OPRM1: variants seen among roughly 807,000 people sequenced by gnomAD.
OPRM1 encodes mu-type opioid receptor.
Under a neutral mutation model 31.8 loss-of-function variants are expected in OPRM1, and 27 were observed. That is an observed-to-expected ratio of 0.85 (90% CI 0.63 to 1.17). The LOEUF (loss-of-function observed/expected upper bound fraction) is 1.17, where lower values mean the gene tolerates loss of function less well. OPRM1 is among the 50% of genes most tolerant of loss of function. The pLI is 0.00. For missense variants in OPRM1, 536 were observed against 511.1 expected (o/e 1.05, Z -0.47); for synonymous variants, 196 against 189.9 (o/e 1.03, Z -0.26).
chr6:154,044,926 A>T (rs924914483), intron 1 of OPRM1, among the ~76,000 whole-genome samples: 6 of 152,316 alleles, frequency 3.9e-5, no homozygotes, highest in African/African-American at 9.6e-5. Context: ...TATGAGATTT[A>T]AAAATGTACT....
rs1795844547 is a variant in OPRM1, at chr6:154,107,953, T to TTTATTTTATTTTATTTTATTTTA, written c.1165-10728_1165-10727insATTTTATTTTATTTTATTTTATT. Reference sequence around the variant, plus strand: ...TTTACAGAGGAGATAAACACTGATTTTTTTATTTTATTTTATTTTATTTTA... The same window carrying TTTATTTTATTTTATTTTATTTTA: ...TTTACAGAGGAGATAAACACTGATTTTTATTTTATTTTATTTTATTTTATTTTATTTTATTTTATTTTATTTTA... On this transcript the variant is annotated intron_variant, in intron 3 of 3. Transcript: ENST00000330432. 5.8e-6 allele frequency: 3 copies of TTTATTTTATTTTATTTTATTTTA among 517,266 alleles called. No individual in the cohort carries two copies. The African/African-American group carries it at 7.1e-5, about 12-fold the overall frequency. 32.0% of individuals were successfully genotyped at this position (517,266 alleles called of 1,614,324 possible). A position where few individuals can be genotyped will look rare whatever the true frequency, so the allele number is the denominator to read the frequency against.
intron 1 of OPRM1, among the ~76,000 whole-genome samples, chr6:154,070,038 A>G (rs1027015565): frequency 6.6e-6 from 1 of 152,204 alleles, no homozygotes; most frequent in Non-Finnish European, 1.5e-5. Flanking sequence ...GAAATTTGTA[A>G]TATTCGGAGG....
intron 3 of OPRM1, among the ~76,000 whole-genome samples, chr6:154,145,072 C>G (rs368735508): frequency 3.2e-5 from 3 of 94,442 alleles, no homozygotes; most frequent in African/African-American, 1.1e-4. Flanking sequence ...TCCCTAAACA[C>G]TGGAAACAAA....
rs1223121173 is a variant in OPRM1 at position 154,039,557 on chromosome 6, G to A, written c.13G>A (p.Ala5Thr). 6.2e-6 allele frequency: 10 copies of A among 1,611,440 alleles called. No homozygotes were observed. Among genetic ancestry groups the A allele is most frequent in the South Asian group, 1.1e-5 (1 of 90,482 alleles). Reference sequence around the variant, plus strand: ...GGCCGTCAGTACCATGGACAGCAGCGCTGCCCCCACGAACGCCAGCAATTG... The same window carrying A: ...GGCCGTCAGTACCATGGACAGCAGCACTGCCCCCACGAACGCCAGCAATTG... MDSS[A>T]APTNASNCTD... Residue 5 changes from alanine to threonine, a missense_variant, in exon 1 of 4, where the codon GCT becomes ACT. By Grantham distance (58) the Ala-to-Thr change is moderately conservative. Coordinates refer to ENST00000330432, the MANE Select transcript of OPRM1 (RefSeq NM_000914.5).
chr6:154,037,388 C>T (rs1779373926), upstream of OPRM1, among the ~76,000 whole-genome samples: 1 of 148,902 alleles, frequency 6.7e-6, no homozygotes, highest in African/African-American at 2.5e-5. Flanking sequence ...TTTCATTGTA[C>T]TGGTAGAAAG....
At chr6:154,182,700 A>G (rs1800991903) in intron 3 of OPRM1, among the ~76,000 whole-genome samples, 1 of 152,166 alleles carries the variant, frequency 6.6e-6, no homozygotes, top group Admixed American at 6.5e-5. Context: ...AGTGGGTGGG[A>G]AGCTGGAAAA....
intron 3 of OPRM1, chr6:154,160,087 T>C: frequency 7.2e-7 from 1 of 1,396,778 alleles, no homozygotes; most frequent in Non-Finnish European, 1.0e-6. Context: ...GAGAGTGTCT[T>C]AATTTACATA....
chr6:154,152,671 T>A (rs981218028), intron 3 of OPRM1, among the ~76,000 whole-genome samples: 1 of 150,964 alleles, frequency 6.6e-6, no homozygotes, highest in African/African-American at 2.4e-5. Context: ...GAATACCTGA[T>A]CTGATAATTA....
intron 3 of OPRM1, among the ~76,000 whole-genome samples, chr6:154,165,599 T>A (rs936169533): frequency 6.6e-6 from 1 of 152,176 alleles, no homozygotes; most frequent in Admixed American, 6.5e-5. Context: ...CTCACAAATG[T>A]CCAGAAAGAG....
intron 3 of OPRM1, among the ~76,000 whole-genome samples, chr6:154,201,684 GA>G (rs1338514264): frequency 6.6e-6 from 1 of 151,998 alleles, no homozygotes; most frequent in Non-Finnish European, 1.5e-5. Flanking sequence ...CTCTTGAGGT[GA>G]GGAGTTCAAG....
chr6:154,049,224 T>C (rs1207321625), intron 1 of OPRM1, among the ~76,000 whole-genome samples: 1 of 152,194 alleles, frequency 6.6e-6, no homozygotes, highest in Admixed American at 6.5e-5. Flanking sequence ...TTAGGGACAC[T>C]AAGCAGAACT....
In OPRM1 at chr6:154,119,324, A is replaced by G; in HGVS notation, c.*603A>G. The G allele has an allele frequency of 1.0e-6, 1 of 985,182 alleles. No individual in the cohort carries two copies. 61.0% of individuals were successfully genotyped at this position (985,182 alleles called of 1,614,324 possible). ...CATCTAGCTCCATAATTGCAAGGGA[A>G]GAGATTAGCATGAAAGGTAATCTGA... On this transcript the variant is annotated 3_prime_UTR_variant, in exon 4 of 4. Transcript: ENST00000330432.
chr6:154,084,176 G>C (rs1789919118), intron 1 of OPRM1, among the ~76,000 whole-genome samples: 1 of 152,060 alleles, frequency 6.6e-6, no homozygotes, highest in Non-Finnish European at 1.5e-5. Flanking sequence ...GCTGATAGTA[G>C]CTTATTAGAA....
At chr6:154,075,999 T>G (rs564166155) in intron 1 of OPRM1, among the ~76,000 whole-genome samples, 5 of 152,352 alleles carry the variant, frequency 3.3e-5, no homozygotes, top group African/African-American at 1.2e-4. Flanking sequence ...TTATCATTAC[T>G]CTTCTTCTCA....
In OPRM1 at chr6:154,129,852, G is replaced by GCACACA. The variant is rs59576607; in HGVS notation, c.*11160_*11165dup. 0.016 allele frequency among the ~76,000 whole-genome samples: 2,080 copies of GCACACA among 131,482 alleles called. 53 individuals carry two copies. The highest frequency in any genetic ancestry group is 0.054 in the African/African-American group (1,937 of 35,800). 86.3% of individuals were successfully genotyped at this position (131,482 alleles called of 152,430 possible). The stretch of plus-strand genomic sequence containing the variant: ...TTACCACCGACACCCTCCCCCCCCA[G>GCACACA]CACACACACACACACACACACACAC... On this transcript the variant is annotated 3_prime_UTR_variant, in exon 4 of 4. Transcript: ENST00000330432.
chr6:154,064,603 A>C (rs1335196640), intron 1 of OPRM1, among the ~76,000 whole-genome samples: 1 of 148,952 alleles, frequency 6.7e-6, no homozygotes, highest in Admixed American at 6.7e-5. Context: ...TTTTTCTCTT[A>C]AGGGTTGTAT....
chr6:154,237,941 T>C (rs1353686919), intron 3 of OPRM1, among the ~76,000 whole-genome samples: 1 of 152,222 alleles, frequency 6.6e-6, no homozygotes, highest in African/African-American at 2.4e-5. Flanking sequence ...TTAGTGTGTG[T>C]GCACTTATGT....
chr6:154,182,414 A>T (rs1225750902), intron 3 of OPRM1, among the ~76,000 whole-genome samples: 1 of 152,154 alleles, frequency 6.6e-6, no homozygotes, highest in Non-Finnish European at 1.5e-5. Flanking sequence ...CGTTTTCTGA[A>T]ATAATCTTAA....
rs980705602 is a variant in OPRM1 at position 154,056,028 on chromosome 6, A to G, written c.290+16194A>G. Among the ~76,000 whole-genome samples, 12 of 152,240 alleles carry G rather than the reference A, an allele frequency of 7.9e-5. No individual in the cohort carries two copies. The South Asian group carries it at 1.0e-3, about 13-fold the overall frequency. On this transcript the variant is annotated intron_variant, in intron 1 of 3. Coordinates refer to ENST00000330432, the MANE Select transcript of OPRM1 (RefSeq NM_000914.5). Reference sequence around the variant, plus strand: ...TTTAGGGATTTCTAATTTCATCCCTATAAAGAGTCATCCTGACCCCTGTTG... The same window carrying G: ...TTTAGGGATTTCTAATTTCATCCCTGTAAAGAGTCATCCTGACCCCTGTTG...
Sources: gnomAD v4.1 joint callset for allele counts (sites outside exome capture counted in the v4.1 genomes callset) on GRCh38, gnomAD v4.1.1 for gene constraint, MANE v1.5 for transcripts, NCBI Gene and HGNC (gene_info 2026-07-23, HGNC 2026-07-21) for gene names.